QARS1: variants seen among roughly 807,000 people sequenced by gnomAD.
QARS1 encodes the protein glutaminyl-tRNA synthetase 1.
Under a neutral mutation model 106.9 loss-of-function variants are expected in QARS1, and 79 were observed. The observed-to-expected ratio is 0.74, with a 90% CI of 0.62 to 0.89. The LOEUF (loss-of-function observed/expected upper bound fraction) is 0.89. QARS1 is among the 40% of genes least tolerant of loss of function. QARS1 has a pLI of 0.00. For missense variants in QARS1, 966 were observed against 997.2 expected (o/e 0.97, Z 0.42); for synonymous variants, 395 against 367.7 (o/e 1.07, Z -0.85).
chr3:49,101,690 G>T lies in QARS1; in HGVS notation c.719C>A (p.Thr240Asn). The T allele has an allele frequency of 6.2e-7, 1 of 1,614,108 alleles. No individual in the cohort carries two copies. Among genetic ancestry groups the T allele is most frequent in the Non-Finnish European group, 8.5e-7 (1 of 1,180,020 alleles). ...KFHKPGENYK[T>N]PGYVVTPHTM... ...GTGTGGAGTGACCACATAGCCTGGG[G>T]TCTTGTAGTTCTCACCTGCCAGGAC... Residue 240 changes from threonine (T) to asparagine (N), a missense_variant, in exon 9 of 24, where the codon ACC becomes AAC. By Grantham distance (65) the Thr-to-Asn change is moderately conservative. Transcript: ENST00000306125.
intron 10 of QARS1, 32 bp from the exon 11 acceptor site, chr3:49,100,706 C>T (rs1207673782): frequency 7.0e-7 from 1 of 1,438,066 alleles, no homozygotes; most frequent in Admixed American, 1.7e-5. Flanking sequence ...TGAACTCCCA[C>T]ATCATCCATC....
Position 49,101,825 on chromosome 3 carries a change from A to AT in QARS1, c.703+2_703+3insA. The stretch of plus-strand genomic sequence containing the variant: ...TCCCCAGGGTTTTGACATGCCCACT[A>AT]ACCAGGCTTGTGGAACTTAAGGGCC... On this transcript the variant is annotated splice_region_variant and intron_variant, in intron 8 of 23. Transcript: ENST00000306125. 6.2e-7 allele frequency: 1 copy of AT among 1,612,048 alleles called. No individual in the cohort carries two copies.
intron 4 of QARS1, 76 bp downstream of exon 4, chr3:49,103,555 C>T (rs2042498609): frequency 6.4e-7 from 1 of 1,568,766 alleles, no homozygotes; most frequent in African/African-American, 1.4e-5. Flanking sequence ...CCTTCCCCCA[C>T]CTCCTTCTCA....
intron 7 of QARS1, 125 bp from the exon 8 acceptor site, chr3:49,102,024 C>A (rs1204704635): frequency 1.3e-5 from 17 of 1,304,056 alleles, no homozygotes; most frequent in Admixed American, 2.1e-5. Context: ...AGCCAGACAT[C>A]TGAGGCCTCT....
In QARS1 at chr3:49,098,986, A is replaced by G. The variant is rs1176248055; in HGVS notation, c.1762T>C (p.Leu588=). 6.2e-7 allele frequency: 1 copy of G among 1,613,692 alleles called. No homozygotes were observed. The highest frequency in any genetic ancestry group is 8.5e-7 in the Non-Finnish European group (1 of 1,179,722). ...IITNFPAAKS[L]DIQVPNFPAD... ...GGGAAGTTGGGCACCTGGATGTCCA[A>G]GGACTATAGCAGGAGACAGGAGACA... The change falls in exon 19 of 24, where the codon TTG becomes CTG. Residue 588 remains leucine (L), a synonymous_variant. Transcript: ENST00000306125.
Position 49,102,436 on chromosome 3 carries a change from G to T in QARS1, c.553C>A (p.Leu185Met), listed in dbSNP as rs934517078. Residue 185 changes from leucine (L) to methionine (M), a missense_variant, in exon 6 of 24, where the codon CTG (leucine) becomes ATG (methionine). Leu to Met is a conservative substitution (Grantham distance 15). Coordinates refer to ENST00000306125, the MANE Select transcript of QARS1 (RefSeq NM_005051.3). The stretch of plus-strand genomic sequence containing the variant: ...ATCCCTACCTTGAACTTCTTCTCCA[G>T]ATCAGCCTCCAACTTGGGGCCCAGA... ...HLLGPKLEADLEKKFKVAKAR... is the reference protein window; with the variant it reads ...HLLGPKLEADMEKKFKVAKAR... 2 of 1,614,126 alleles carry T rather than the reference G, an allele frequency of 1.2e-6. No homozygotes were observed. The highest frequency in any genetic ancestry group is 1.7e-5 in the Admixed American group (1 of 60,010).
intron 23 of QARS1, 86 bp downstream of exon 23, chr3:49,097,895 GAGGATTAACTA>G: frequency 6.7e-7 from 1 of 1,494,016 alleles, no homozygotes; most frequent in Non-Finnish European, 9.2e-7. Flanking sequence ...CTCAGGTGGT[GAGGATTAACTA>G]AGGGAATGTA....
chr3:49,099,891 T>C, intron 14 of QARS1, 38 bp from the exon 15 acceptor site: 1 of 1,614,032 alleles, frequency 6.2e-7, no homozygotes, highest in African/African-American at 1.3e-5. Flanking sequence ...CATCCAGCCC[T>C]ACTCTGCCCT....
Position 49,096,093 on chromosome 3 carries a change from G to A in QARS1, c.2278-14C>T. The A allele has an allele frequency of 6.2e-7, 1 of 1,613,348 alleles. No homozygotes were observed. Among genetic ancestry groups the A allele is most frequent in the Non-Finnish European group, 8.5e-7 (1 of 1,179,766 alleles). ...GTTAAAGACAAGCTGGAGGGCAGAG[G>A]GAAAAGGATGACCACCAACCCAGAA... On this transcript the variant is annotated splice_polypyrimidine_tract_variant and intron_variant, in intron 23 of 23. Coordinates refer to ENST00000306125, the MANE Select transcript of QARS1 (RefSeq NM_005051.3).
Position 49,102,440 on chromosome 3 carries a change from A to G in QARS1, c.549T>C (p.Ala183=), listed in dbSNP as rs150572774. The part of the protein sequence containing the change: ...VLHLLGPKLE[A]DLEKKFKVAK... ...CTACCTTGAACTTCTTCTCCAGATC[A>G]GCCTCCAACTTGGGGCCCAGAAGGT... The change falls in exon 6 of 24, where the codon GCT becomes GCC. Residue 183 remains alanine (A), a synonymous_variant. Transcript: ENST00000306125. 8.7e-6 allele frequency: 14 copies of G among 1,614,034 alleles called. No homozygotes were observed. Among genetic ancestry groups the G allele is most frequent in the East Asian group, 2.2e-5 (1 of 44,896 alleles).
rs760691722 is a variant in QARS1 at position 49,104,661 on chromosome 3, T to C, written c.73A>G (p.Lys25Glu). The change falls in exon 1 of 24, where the codon AAG (lysine) becomes GAG (glutamate). Residue 25 changes from lysine (K) to glutamate (E), a missense_variant. By Grantham distance (56) the Lys-to-Glu change is moderately conservative (BLOSUM62 1). Transcript: ENST00000306125. ...LSEQKARETLKNSALSAQLRE... is the reference protein window; with the variant it reads ...LSEQKARETLENSALSAQLRE... ...AGCTGCGCGCTCAGAGCCGAGTTCT[T>C]GAGCGTCTCGCGGGCCTTCTGCTCG... 2.5e-6 allele frequency: 4 copies of C among 1,609,940 alleles called. No individual in the cohort carries two copies. Among genetic ancestry groups the C allele is most frequent in the Non-Finnish European group, 2.5e-6 (3 of 1,177,128 alleles).
chr3:49,103,241 A>T, intron 5 of QARS1, 104 bp downstream of exon 5: 1 of 1,241,640 alleles, frequency 8.1e-7, no homozygotes, highest in Non-Finnish European at 1.2e-6. Context: ...CAGAAGCGTG[A>T]GCCACCATGC....
chr3:49,103,267 C>T, intron 5 of QARS1, 78 bp downstream of exon 5: 1 of 1,486,880 alleles, frequency 6.7e-7, no homozygotes, highest in Non-Finnish European at 9.3e-7. Context: ...CCTCTTCCTG[C>T]CTTTTATCCC....
intron 19 of QARS1, 61 bp downstream of exon 19, chr3:49,098,824 G>A: frequency 1.3e-6 from 2 of 1,518,842 alleles, no homozygotes; most frequent in Non-Finnish European, 1.8e-6. Context: ...GAGATGAGGA[G>A]ATGAAAGGTT....
At chr3:49,104,542 T>C in intron 1 of QARS1, 71 bp from the exon 2 acceptor site, 1 of 1,603,066 alleles carries the variant, frequency 6.2e-7, no homozygotes, top group Non-Finnish European at 8.5e-7. Flanking sequence ...ACGGGGCAGG[T>C]CGGGATCTGG....
intron 4 of QARS1, 70 bp downstream of exon 4, chr3:49,103,558 CCTT>C: frequency 6.4e-7 from 1 of 1,570,214 alleles, no homozygotes; most frequent in Middle Eastern, 1.7e-4. Context: ...TCCCCCACCT[CCTT>C]CTCACTCGTG....
rs1020521977 is a variant in QARS1 at position 49,099,836 on chromosome 3, T to C, written c.1313A>G (p.Tyr438Cys). The C allele has an allele frequency of 6.2e-7, 1 of 1,613,870 alleles. No individual in the cohort carries two copies. The highest frequency in any genetic ancestry group is 1.3e-5 in the African/African-American group (1 of 74,874). ...TGDKWCIYPTYDYTHCLCDSI... is the reference protein window; with the variant it reads ...TGDKWCIYPTCDYTHCLCDSI... ...GTCACAGAGGCAGTGTGTGTAGTCG[T>C]AGGTGGGATAGATGCACCTGTGGGG... Residue 438 changes from tyrosine (Y) to cysteine (C), a missense_variant, in exon 15 of 24, where the codon TAC becomes TGC. Physicochemically the swap from Tyr to Cys is radical, Grantham distance 194 (BLOSUM62 -2). Transcript: ENST00000306125.
At chr3:49,096,582 G>A (rs2042393464) in intron 23 of QARS1, among the ~76,000 whole-genome samples, 1 of 151,720 alleles carries the variant, frequency 6.6e-6, no homozygotes, top group Admixed American at 6.6e-5. Flanking sequence ...GGCGGATCAT[G>A]AGATCAGGAG....
intron 6 of QARS1, 71 bp from the exon 7 acceptor site, chr3:49,102,336 T>G (rs779460239): frequency 6.2e-6 from 10 of 1,613,004 alleles, no homozygotes; most frequent in Non-Finnish European, 8.5e-6. Flanking sequence ...GGGATCCCTG[T>G]GGTCAGACAC....
Sources: gnomAD v4.1 joint callset for allele counts (sites outside exome capture counted in the v4.1 genomes callset) on GRCh38, gnomAD v4.1.1 for gene constraint, MANE v1.5 for transcripts, NCBI Gene and HGNC (gene_info 2026-07-23, HGNC 2026-07-21) for gene names.